Variants in EYS observed in about 807,000 individuals in gnomAD.
EYS encodes the protein protein eyes shut homolog.
A neutral mutation model predicts 282.1 loss-of-function variants in EYS; 250 were observed. The ratio of observed to expected loss-of-function variants is 0.89; its 90% confidence interval spans 0.80 to 0.98. The LOEUF is 0.98. Among genes scored for constraint, EYS ranks in the 50% least tolerant of loss-of-function variants. The pLI, the probability that EYS is intolerant of heterozygous loss-of-function variation, is 0.00. For missense variants in EYS, 4,016 were observed against 3,709.0 expected (o/e 1.08, Z -2.15); for synonymous variants, 1,355 against 1,282.9 (o/e 1.06, Z -1.20).
intron 14 of EYS, among the ~76,000 whole-genome samples, chr6:64,975,030 T>G (rs1399338903): frequency 4.6e-5 from 7 of 151,900 alleles, no homozygotes; most frequent in Non-Finnish European, 1.0e-4. Context: ...AAAGTCATAA[T>G]CAATCATTTC....
chr6:64,545,618 A>G (rs1457852241), intron 26 of EYS, among the ~76,000 whole-genome samples: 1 of 152,208 alleles, frequency 6.6e-6, no homozygotes, highest in East Asian at 1.9e-4. Context: ...ATATCTAGAA[A>G]ACCCCATCGT....
At chr6:63,999,431 A>G (rs1395889045) in intron 33 of EYS, among the ~76,000 whole-genome samples, 1 of 152,222 alleles carries the variant, frequency 6.6e-6, no homozygotes, top group Non-Finnish European at 1.5e-5. Context: ...GCTTTCAGAA[A>G]GTTAAACCTC....
intron 33 of EYS, among the ~76,000 whole-genome samples, chr6:64,024,191 G>A (rs575618599): frequency 5.3e-5 from 8 of 152,344 alleles, no homozygotes; most frequent in East Asian, 1.9e-4. Context: ...TGAAGCCAGC[G>A]GGGCTCCTGA....
At chr6:63,824,212 A>G (rs1405824194) in intron 36 of EYS, among the ~76,000 whole-genome samples, 1 of 152,194 alleles carries the variant, frequency 6.6e-6, no homozygotes, top group Non-Finnish European at 1.5e-5. Context: ...AGTAAGTAGA[A>G]ATACTTTCAA....
At chr6:64,257,626 A>G (rs1767442959) in intron 30 of EYS, among the ~76,000 whole-genome samples, 1 of 152,010 alleles carries the variant, frequency 6.6e-6, no homozygotes, top group African/African-American at 2.4e-5. Flanking sequence ...AAAGGTACAC[A>G]ATTCATTTTA....
intron 1 of EYS, among the ~76,000 whole-genome samples, chr6:65,666,569 G>A (rs777041976): frequency 1.3e-5 from 2 of 151,814 alleles, no homozygotes; most frequent in Non-Finnish European, 3.0e-5. Flanking sequence ...GTACTAAATA[G>A]TAAGCTGTGG....
intron 8 of EYS, among the ~76,000 whole-genome samples, chr6:65,382,091 T>C (rs1425647959): frequency 6.6e-6 from 1 of 151,868 alleles, no homozygotes; most frequent in Non-Finnish European, 1.5e-5. Context: ...GTTGTCTTTT[T>C]AAAAATTACT....
chr6:64,533,613 G>C (rs891751698), intron 26 of EYS, among the ~76,000 whole-genome samples: 6 of 151,848 alleles, frequency 4.0e-5, no homozygotes, highest in Non-Finnish European at 8.8e-5. Flanking sequence ...AAAGAAAGAA[G>C]AAATAACACT....
At chr6:64,680,434 C>A (rs1029683212) in intron 22 of EYS, among the ~76,000 whole-genome samples, 1 of 152,230 alleles carries the variant, frequency 6.6e-6, no homozygotes, top group African/African-American at 2.4e-5. Flanking sequence ...ACTTGAACCA[C>A]AACCCATTAA....
At chr6:64,109,282 C>G (rs539911794) in intron 31 of EYS, among the ~76,000 whole-genome samples, 1 of 152,182 alleles carries the variant, frequency 6.6e-6, no homozygotes, top group South Asian at 2.1e-4. Context: ...CCTCACTCTA[C>G]TAATACTTTA....
chr6:64,541,355 C>T (rs1764690884), intron 26 of EYS, among the ~76,000 whole-genome samples: 1 of 152,146 alleles, frequency 6.6e-6, no homozygotes. Flanking sequence ...GTCCCAGCAG[C>T]CTTTAAAAAA....
chr6:65,194,548 G>A (rs1765718517), intron 12 of EYS, among the ~76,000 whole-genome samples: 1 of 151,968 alleles, frequency 6.6e-6, no homozygotes, highest in South Asian at 2.1e-4. Flanking sequence ...GCTGGAAGCA[G>A]GCTTCATGTT....
chr6:65,495,705 A>T (rs1766232127), intron 3 of EYS, 98 bp from the exon 4 acceptor site: 1 of 446,380 alleles, frequency 2.2e-6, no homozygotes, highest in South Asian at 2.4e-5. Context: ...AAGAGCCTAC[A>T]CTGCAAAGAT....
chr6:65,564,929 A>G (rs1159347927), intron 2 of EYS, among the ~76,000 whole-genome samples: 1 of 144,436 alleles, frequency 6.9e-6, no homozygotes, highest in African/African-American at 2.6e-5. Context: ...ACAAATTTAA[A>G]AGAAACAAAC....
chr6:64,205,844 C>T (rs202233069), intron 31 of EYS, among the ~76,000 whole-genome samples: 84 of 138,462 alleles, frequency 6.1e-4, no homozygotes, highest in Non-Finnish European at 9.2e-4. Flanking sequence ...CACACACACA[C>T]ATATATATAT....
intron 2 of EYS, among the ~76,000 whole-genome samples, chr6:65,520,777 G>A (rs1266765947): frequency 6.6e-6 from 1 of 151,986 alleles, no homozygotes; most frequent in East Asian, 1.9e-4. Flanking sequence ...CAAGACCAGT[G>A]TCATTGTCTG....
intron 33 of EYS, among the ~76,000 whole-genome samples, chr6:64,039,155 G>C (rs1770267340): frequency 6.6e-6 from 1 of 152,036 alleles, no homozygotes; most frequent in Admixed American, 6.5e-5. Flanking sequence ...TCAAATACCT[G>C]ACTGACAAAT....
At chr6:65,210,687 T>A (rs1349533196) in intron 12 of EYS, among the ~76,000 whole-genome samples, 1 of 151,802 alleles carries the variant, frequency 6.6e-6, no homozygotes, top group Non-Finnish European at 1.5e-5. Flanking sequence ...GAATCATGAA[T>A]AAAAAGATAA....
At chr6:63,797,663 A>G (rs2149674873) in intron 37 of EYS, 1 of 152,328 alleles carries the variant, frequency 6.6e-6, no homozygotes, top group Admixed American at 6.5e-5. Context: ...ATGTACAGCC[A>G]TGACCATGAT....
Sources: allele counts gnomAD v4.1 joint callset (sites outside exome capture counted in the v4.1 genomes callset), GRCh38; gene constraint gnomAD v4.1.1; transcripts MANE v1.5; gene names NCBI Gene and HGNC (gene_info 2026-07-23, HGNC 2026-07-21).